Variants in ZNF438 observed in about 807,000 individuals in gnomAD.
The protein encoded by ZNF438 is zinc finger protein 438.
ZNF438 carries 25 observed loss-of-function variants against 38.0 expected under a neutral mutation model. The observed-to-expected ratio is 0.66, with a 90% CI of 0.48 to 0.92. The LOEUF (loss-of-function observed/expected upper bound fraction) is 0.92. Ranked by LOEUF, ZNF438 falls within the 40% of genes least tolerant of loss-of-function variation. The pLI is 0.00. For missense variants in ZNF438, 1,007 were observed against 999.6 expected, an observed-to-expected ratio of 1.01 and a Z score of -0.10; for synonymous variants, 372 against 364.1, an observed-to-expected ratio of 1.02 and a Z score of -0.25.
At chr10:30,987,247 G>A (rs1347445449) in intron 1 of ZNF438, among the ~76,000 whole-genome samples, 1 of 151,204 alleles carries the variant, frequency 6.6e-6, no homozygotes, top group Non-Finnish European at 1.5e-5. Context: ...TTGAGCTTGG[G>A]TGGTCAAGGC....
chr10:30,912,363 CTTTTA>C (rs2043171913), intron 2 of ZNF438, among the ~76,000 whole-genome samples: 1 of 152,092 alleles, frequency 6.6e-6, no homozygotes, highest in Admixed American at 6.6e-5. Flanking sequence ...CCTTTCTCTT[CTTTTA>C]TATCAACCAG....
chr10:31,003,009 G>A (rs1439400725), intron 1 of ZNF438, among the ~76,000 whole-genome samples: 1 of 152,140 alleles, frequency 6.6e-6, no homozygotes, highest in Non-Finnish European at 1.5e-5. Flanking sequence ...TATTACAGAA[G>A]GCAGTTTTCA....
chr10:30,948,515 G>A (rs1267313629), intron 1 of ZNF438, among the ~76,000 whole-genome samples: 6 of 151,948 alleles, frequency 3.9e-5, no homozygotes, highest in Admixed American at 1.3e-4. Flanking sequence ...AAATTTAGAC[G>A]AACGTATAAC....
intron 1 of ZNF438, among the ~76,000 whole-genome samples, chr10:30,942,579 C>T (rs922550651): frequency 2.0e-5 from 3 of 152,176 alleles, no homozygotes; most frequent in African/African-American, 7.2e-5. Context: ...GATATGGTTA[C>T]AAACATAGGA....
Position 30,983,324 on chromosome 10 carries a change from C to T in ZNF438, c.-191-41673G>A, listed in dbSNP as rs141136855. On this transcript the variant is annotated intron_variant, in intron 1 of 5. Transcript: ENST00000413025. ...GAGGTTTAGTTGGTTCATGGTTCCT[C>T]GAGCTGCACAGGAAGCATGGTTGGG... Among the ~76,000 whole-genome samples, 824 of 152,282 alleles carry T rather than the reference C, an allele frequency of 5.4e-3. 6 individuals are homozygous for T. Among genetic ancestry groups the T allele is most frequent in the African/African-American group, 0.019 (791 of 41,562 alleles).
rs1312162593 is a variant in ZNF438, at chr10:30,933,090, T to C, written c.-115+8485A>G. Among the ~76,000 whole-genome samples the C allele has an allele frequency of 5.3e-5, 8 of 152,246 alleles. No individual in the cohort carries two copies. The South Asian group carries it at 1.2e-3, about 24-fold the overall frequency. ...CCACCCAGTTTGTAGTACTTGCTTA[T>C]GTAGTCCTAGAAAATTAATACCATC... On this transcript the variant is annotated intron_variant, in intron 2 of 5. Coordinates refer to ENST00000413025, the Ensembl canonical transcript of ZNF438.
intron 1 of ZNF438, among the ~76,000 whole-genome samples, chr10:30,968,149 T>TA (rs905258300): frequency 2.0e-5 from 3 of 152,100 alleles, no homozygotes; most frequent in Admixed American, 6.5e-5. Context: ...GTGCCCTAAG[T>TA]AAAAATTCCA....
chr10:30,881,303 T>C (rs1348165268), intron 3 of ZNF438, among the ~76,000 whole-genome samples: 2 of 152,132 alleles, frequency 1.3e-5, no homozygotes, highest in Admixed American at 1.3e-4. Context: ...ACAAAATCAA[T>C]ATGCAAAAAT....
At chr10:30,950,491 T>C (rs367828532) in intron 1 of ZNF438, among the ~76,000 whole-genome samples, 93 of 151,336 alleles carry the variant, frequency 6.1e-4, no homozygotes, top group Non-Finnish European at 1.1e-3. Context: ...ACAAAATTGA[T>C]AGACTGCTAG....
chr10:30,882,804 G>A (rs1038951316), intron 3 of ZNF438, among the ~76,000 whole-genome samples: 6 of 152,068 alleles, frequency 3.9e-5, no homozygotes, highest in African/African-American at 1.2e-4. Flanking sequence ...GGGTATATAC[G>A]TATATCAAAA....
intron 2 of ZNF438, among the ~76,000 whole-genome samples, chr10:30,928,649 CT>C (rs200465545): frequency 6.6e-6 from 1 of 151,134 alleles, no homozygotes. Context: ...ATTCAAAGCA[CT>C]TTTTTTTTGA....
chr10:31,014,202 T>A (rs2055984747), intron 1 of ZNF438, among the ~76,000 whole-genome samples: 1 of 152,232 alleles, frequency 6.6e-6, no homozygotes, highest in South Asian at 2.1e-4. Flanking sequence ...TCATGTCATG[T>A]CACAGTTAGG....
At chr10:31,024,348 C>G (rs1288695398) in intron 1 of ZNF438, among the ~76,000 whole-genome samples, 3 of 152,080 alleles carry the variant, frequency 2.0e-5, no homozygotes, top group Admixed American at 2.0e-4. Context: ...TAGGTACGGC[C>G]GAGCGCAGTG....
chr10:30,938,157 C>G (rs1181777709), intron 2 of ZNF438, among the ~76,000 whole-genome samples: 1 of 152,118 alleles, frequency 6.6e-6, no homozygotes. Context: ...TGCCCCGCAC[C>G]CCCATTGTTT....
chr10:31,003,758 G>A (rs1020603371), intron 1 of ZNF438, among the ~76,000 whole-genome samples: 2 of 152,076 alleles, frequency 1.3e-5, no homozygotes, highest in Admixed American at 6.5e-5. Flanking sequence ...CATAGTCTAT[G>A]CTCAAGAAAG....
intron 3 of ZNF438, among the ~76,000 whole-genome samples, chr10:30,905,155 G>T (rs1021333370): frequency 6.6e-6 from 1 of 152,188 alleles, no homozygotes; most frequent in African/African-American, 2.4e-5. Flanking sequence ...TACTGGCTGT[G>T]TCTTAGAGTA....
At chr10:30,939,885 T>C (rs758225087) in intron 2 of ZNF438, among the ~76,000 whole-genome samples, 1 of 152,212 alleles carries the variant, frequency 6.6e-6, no homozygotes, top group African/African-American at 2.4e-5. Context: ...TAAATAGTCT[T>C]GGGAGGGCTG....
chr10:31,002,744 C>A (rs566238710), intron 1 of ZNF438, among the ~76,000 whole-genome samples: 1 of 152,210 alleles, frequency 6.6e-6, no homozygotes, highest in Non-Finnish European at 1.5e-5. Flanking sequence ...TATAACAATA[C>A]GGAGAAGAGA....
chr10:30,976,507 T>C (rs947491692), intron 1 of ZNF438, among the ~76,000 whole-genome samples: 5 of 152,128 alleles, frequency 3.3e-5, no homozygotes, highest in African/African-American at 1.2e-4. Flanking sequence ...TTTGGGAGGC[T>C]AGGCCAGAAG....
Sources: allele counts gnomAD v4.1 joint callset (sites outside exome capture counted in the v4.1 genomes callset), GRCh38; gene constraint gnomAD v4.1.1; transcripts MANE v1.5; gene names NCBI Gene and HGNC (gene_info 2026-07-23, HGNC 2026-07-21).